The following CNTN5 variants were observed in gnomAD, a reference collection of about 807,000 sequenced individuals.
The protein encoded by CNTN5 is contactin 5.
A neutral mutation model predicts 129.1 loss-of-function variants in CNTN5; 77 were observed. The ratio of observed to expected loss-of-function variants is 0.60; its 90% CI spans 0.50 to 0.72. The LOEUF is 0.72. Among genes scored for constraint, CNTN5 ranks in the 30% least tolerant of loss-of-function variants. The probability of loss-of-function intolerance (pLI) is 0.00; values close to 1 mark genes in which losing one functional copy is unlikely to be tolerated. For synonymous variants in CNTN5, 509 were observed against 465.6 expected (o/e 1.09, Z -1.20); for missense variants, 1,478 against 1,328.8 (o/e 1.11, Z -1.75).
At chr11:99,971,572 A>G (rs1275261809) in intron 8 of CNTN5, among the ~76,000 whole-genome samples, 2 of 151,664 alleles carry the variant, frequency 1.3e-5, no homozygotes, top group Non-Finnish European at 2.9e-5. Flanking sequence ...AAACAAACAA[A>G]AAACTCTACA....
intron 3 of CNTN5, among the ~76,000 whole-genome samples, chr11:99,792,459 C>A (rs948877239): frequency 6.6e-6 from 1 of 150,960 alleles, no homozygotes; most frequent in Non-Finnish European, 1.5e-5. Flanking sequence ...TGATGTGCTG[C>A]TGGATATGGA....
chr11:99,261,699 C>T (rs900165772), intron 1 of CNTN5, among the ~76,000 whole-genome samples: 1 of 152,018 alleles, frequency 6.6e-6, no homozygotes, highest in Non-Finnish European at 1.5e-5. Context: ...TAACTAACAT[C>T]ATCATAATTA....
intron 6 of CNTN5, among the ~76,000 whole-genome samples, chr11:99,887,712 G>A (rs1301268586): frequency 6.6e-6 from 1 of 152,222 alleles, no homozygotes; most frequent in Admixed American, 6.5e-5. Context: ...TACACGAGTC[G>A]AAAAGCTGAA....
chr11:99,723,203 CCCTTTATT>C (rs1943229463), intron 3 of CNTN5, among the ~76,000 whole-genome samples: 1 of 151,260 alleles, frequency 6.6e-6, no homozygotes, highest in Admixed American at 6.6e-5. Flanking sequence ...CTCCCTTCCT[CCCTTTATT>C]ATCGATTCCA....
chr11:99,327,059 A>G (rs568681734), intron 2 of CNTN5, among the ~76,000 whole-genome samples: 15 of 152,226 alleles, frequency 9.9e-5, no homozygotes, highest in Middle Eastern at 3.4e-3. Context: ...ATCAAACTCT[A>G]TATTTTTTTT....
chr11:100,046,956 C>G (rs7121894), intron 9 of CNTN5, among the ~76,000 whole-genome samples: 15,976 of 151,924 alleles, frequency 0.11, 938 homozygotes, highest in Middle Eastern at 0.25. Context: ...AAGATGATCA[C>G]AAGTTTCATA....
chr11:99,052,183 T>C (rs1378705447), intron 1 of CNTN5, among the ~76,000 whole-genome samples: 2 of 151,768 alleles, frequency 1.3e-5, no homozygotes, highest in African/African-American at 4.8e-5. Context: ...ATGGTATAAA[T>C]GTGTGTGTAT....
chr11:99,703,445 A>G (rs1339509053), intron 3 of CNTN5, among the ~76,000 whole-genome samples: 1 of 150,632 alleles, frequency 6.6e-6, no homozygotes, highest in Non-Finnish European at 1.5e-5. Flanking sequence ...GAATAGTAGT[A>G]ATATATAATA....
At chr11:99,094,449 A>G (rs1334813991) in intron 1 of CNTN5, among the ~76,000 whole-genome samples, 1 of 152,048 alleles carries the variant, frequency 6.6e-6, no homozygotes, top group Non-Finnish European at 1.5e-5. Context: ...CCCTTGTGGC[A>G]TAAGAGAAGC....
chr11:100,193,361 C>A, intron 14 of CNTN5, 127 bp from the exon 15 acceptor site: 2 of 540,104 alleles, frequency 3.7e-6, no homozygotes, highest in Non-Finnish European at 6.2e-6. Flanking sequence ...TGTAAAAAAG[C>A]TGGTATATGT....
chr11:99,954,183 A>G (rs1262768735), intron 7 of CNTN5, among the ~76,000 whole-genome samples: 4 of 152,264 alleles, frequency 2.6e-5, no homozygotes, highest in Non-Finnish European at 4.4e-5. Flanking sequence ...AAAAATGGGG[A>G]AAAAAATTGA....
At chr11:99,890,036 CAT>C in intron 6 of CNTN5, among the ~76,000 whole-genome samples, 1 of 152,280 alleles carries the variant, frequency 6.6e-6, no homozygotes, top group East Asian at 1.9e-4. Context: ...TATGTTTTCT[CAT>C]AGTGCTTATT....
chr11:99,452,278 T>G (rs1215375319), intron 2 of CNTN5, among the ~76,000 whole-genome samples: 2 of 151,972 alleles, frequency 1.3e-5, no homozygotes, highest in East Asian at 3.9e-4. Flanking sequence ...AGCACTAATA[T>G]ATATGTTAGC....
chr11:99,413,808 G>C (rs1257761760), intron 2 of CNTN5, among the ~76,000 whole-genome samples: 1 of 152,066 alleles, frequency 6.6e-6, no homozygotes, highest in Non-Finnish European at 1.5e-5. Flanking sequence ...AAGTAACACA[G>C]TAAGAGACTT....
chr11:100,336,979 G>A, intron 21 of CNTN5: 1 of 753,752 alleles, frequency 1.3e-6, no homozygotes, highest in South Asian at 1.4e-5. Flanking sequence ...TCAAGAGCCA[G>A]AGCACAGCAC....
intron 2 of CNTN5, among the ~76,000 whole-genome samples, chr11:99,545,176 G>A (rs1372395178): frequency 1.3e-5 from 2 of 152,186 alleles, no homozygotes; most frequent in African/African-American, 4.8e-5. Flanking sequence ...AAGGTTTAAT[G>A]TGGAAATGAA....
At chr11:99,123,882 C>A (rs1261414509) in intron 1 of CNTN5, among the ~76,000 whole-genome samples, 1 of 152,038 alleles carries the variant, frequency 6.6e-6, no homozygotes, top group Non-Finnish European at 1.5e-5. Context: ...TTTCTGGACT[C>A]TGTTCTGATC....
intron 6 of CNTN5, among the ~76,000 whole-genome samples, chr11:99,857,026 C>G (rs1035199208): frequency 4.7e-5 from 7 of 150,478 alleles, no homozygotes; most frequent in African/African-American, 1.5e-4. Context: ...CTCTATCTAT[C>G]TCTATCTCCC....
At chr11:99,936,178 C>T (rs1386927218) in intron 7 of CNTN5, among the ~76,000 whole-genome samples, 1 of 152,104 alleles carries the variant, frequency 6.6e-6, no homozygotes. Context: ...AAAACATTTG[C>T]AGGGGTTATT....
Sources: gnomAD v4.1 joint callset for allele counts (sites outside exome capture counted in the v4.1 genomes callset) on GRCh38, gnomAD v4.1.1 for gene constraint, MANE v1.5 for transcripts, NCBI Gene and HGNC (gene_info 2026-07-23, HGNC 2026-07-21) for gene names.